Variants in RDX observed in about 807,000 individuals in gnomAD.
The protein encoded by RDX is deafness, autosomal recessive 24.
In RDX, 32 loss-of-function variants were observed where a neutral mutation model predicts 83.7. The observed-to-expected ratio is 0.38, with a 90% CI of 0.29 to 0.51. The LOEUF (loss-of-function observed/expected upper bound fraction) is 0.51. Ranked by LOEUF, RDX falls within the 20% of genes least tolerant of loss-of-function variation. RDX has a pLI of 0.87. For missense variants in RDX, 600 were observed against 689.9 expected (o/e 0.87, Z 1.46); for synonymous variants, 229 against 222.7 (o/e 1.03, Z -0.25).
At chr11:110,254,845 G>C (rs975920687) in intron 8 of RDX, among the ~76,000 whole-genome samples, 4 of 151,906 alleles carry the variant, frequency 2.6e-5, no homozygotes, top group Non-Finnish European at 4.4e-5. Flanking sequence ...TGACATTAGA[G>C]GAACTTTAAA....
At chr11:110,219,945 C>T (rs1864188229) in intron 14 of RDX, among the ~76,000 whole-genome samples, 1 of 152,144 alleles carries the variant, frequency 6.6e-6, no homozygotes, top group African/African-American at 2.4e-5. Flanking sequence ...GACAGAAGGA[C>T]TGAGACTTGG....
At chr11:110,273,104 C>T (rs1860369040) in intron 2 of RDX, 1 of 455,598 alleles carries the variant, frequency 2.2e-6, no homozygotes, top group Non-Finnish European at 4.4e-6. Context: ...CTGTTATTTC[C>T]AGGAAGCTGA....
intron 15 of RDX, among the ~76,000 whole-genome samples, chr11:110,184,262 C>T (rs578221737): frequency 2.0e-5 from 3 of 152,304 alleles, no homozygotes; most frequent in East Asian, 3.9e-4. Flanking sequence ...CAAGAGAACT[C>T]GCTATATGAC....
rs769654968 is a variant in RDX, at chr11:110,264,810, C to A, written c.161G>T (p.Gly54Val). ...FFGLQYVDSKGYSTWLKLNKK... is the reference protein window; with the variant it reads ...FFGLQYVDSKVYSTWLKLNKK... The stretch of plus-strand genomic sequence containing the variant: ...ATTTAGTTTAAGCCATGTAGAATAA[C>A]CTTTGCTGTCTACATACTGCAGCCC... Residue 54 changes from glycine (G) to valine (V), a missense_variant, in exon 4 of 14, where the codon GGT becomes GTT. By Grantham distance (109) the Gly-to-Val change is moderately radical. Coordinates refer to ENST00000645495, the MANE Select transcript of RDX (RefSeq NM_002906.4). 1 of 1,613,576 alleles carries A rather than the reference C, an allele frequency of 6.2e-7. No individual in the cohort carries two copies. Among genetic ancestry groups the A allele is most frequent in the Non-Finnish European group, 8.5e-7 (1 of 1,179,688 alleles).
intron 6 of RDX, 90 bp downstream of exon 6, chr11:110,258,016 A>G: frequency 6.7e-7 from 1 of 1,483,192 alleles, no homozygotes; most frequent in Non-Finnish European, 9.4e-7. Flanking sequence ...TAAGTCAAAC[A>G]ATCTTTTGGA....
At chr11:110,226,253 G>T (rs1358274774), downstream of RDX, among the ~76,000 whole-genome samples, 1 of 152,040 alleles carries the variant, frequency 6.6e-6, no homozygotes, top group Non-Finnish European at 1.5e-5. Context: ...ACAGATAAAT[G>T]GATAAAATAT....
intron 1 of RDX, among the ~76,000 whole-genome samples, chr11:110,289,000 G>C (rs1202132701): frequency 6.6e-6 from 1 of 152,050 alleles, no homozygotes; most frequent in Non-Finnish European, 1.5e-5. Flanking sequence ...CACTGTGGGA[G>C]GCCCAGGTGA....
intron 10 of RDX, among the ~76,000 whole-genome samples, chr11:110,243,961 G>GTTAA (rs1440512155): frequency 6.6e-6 from 1 of 152,056 alleles, no homozygotes; most frequent in Non-Finnish European, 1.5e-5. Context: ...TCCTCAAAAA[G>GTTAA]TTAAATACAG....
At chr11:110,204,088 G>A (rs1863513972) in intron 14 of RDX, among the ~76,000 whole-genome samples, 2 of 152,124 alleles carry the variant, frequency 1.3e-5, no homozygotes, top group Admixed American at 6.6e-5. Context: ...CATGGGACTG[G>A]AAATTGCAGC....
Position 110,231,105 on chromosome 11 carries a change from C to G in RDX, c.*764G>C, listed in dbSNP as rs539984720. The G allele has an allele frequency of 5.9e-5, 9 of 152,654 alleles. No individual in the cohort carries two copies. Among genetic ancestry groups the G allele is most frequent in the African/African-American group, 2.2e-4 (9 of 41,564 alleles). The allele number at this position is 152,654 out of a possible 1,614,324, so 9.5% of individuals were successfully genotyped here. On this transcript the variant is annotated 3_prime_UTR_variant, in exon 14 of 14. Coordinates refer to ENST00000645495, the MANE Select transcript of RDX (RefSeq NM_002906.4). ...AGTAAACTCTCCTAGGGAGCTACTA[C>G]TGCTGTCTAAACCTCTGTGAAATGG...
chr11:110,200,671 T>TA (rs1187840572), intron 14 of RDX, among the ~76,000 whole-genome samples: 1 of 152,212 alleles, frequency 6.6e-6, no homozygotes, highest in Non-Finnish European at 1.5e-5. Context: ...GTCTTTGCAG[T>TA]AAAATACAGT....
At chr11:110,252,395 GATAA>G (rs1859371648) in intron 9 of RDX, among the ~76,000 whole-genome samples, 1 of 152,084 alleles carries the variant, frequency 6.6e-6, no homozygotes, top group Non-Finnish European at 1.5e-5. Flanking sequence ...AGGATATATA[GATAA>G]ATATAGTAAG....
chr11:110,207,610 G>GT (rs149510020), intron 14 of RDX, among the ~76,000 whole-genome samples: 1 of 151,664 alleles, frequency 6.6e-6, no homozygotes, highest in African/African-American at 2.4e-5. Context: ...ATTTAAGAAT[G>GT]TTTTTTACCT....
intron 15 of RDX, among the ~76,000 whole-genome samples, chr11:110,178,259 G>C (rs1862816367): frequency 1.3e-5 from 2 of 152,200 alleles, no homozygotes; most frequent in African/African-American, 2.4e-5. Context: ...CTCTCTTCTA[G>C]TGCAGAACTC....
At position 110,201,741 on chromosome 11, in the gene RDX, G is replaced by T. The variant is rs573855202; in HGVS notation, c.1749-2063C>A. On this transcript the variant is annotated intron_variant, in intron 14 of 15. Transcript: ENST00000528498. ...TATAATAAGGGACGCAAACCTAGTT[G>T]AACTTATTTTTTAAGATGTTGTCTC... 3.9e-5 allele frequency among the ~76,000 whole-genome samples: 6 copies of T among 152,138 alleles called. No individual in the cohort carries two copies. The East Asian group carries it at 1.2e-3, about 29-fold the overall frequency.
intron 14 of RDX, among the ~76,000 whole-genome samples, chr11:110,211,262 T>A (rs1863826006): frequency 6.6e-6 from 1 of 152,122 alleles, no homozygotes; most frequent in African/African-American, 2.4e-5. Context: ...AGTAAAGGGA[T>A]CAATTCAGCA....
At chr11:110,226,603 A>C (rs1156622315), downstream of RDX, among the ~76,000 whole-genome samples, 2 of 152,196 alleles carry the variant, frequency 1.3e-5, no homozygotes, top group African/African-American at 4.8e-5. Flanking sequence ...TGAACTGTAC[A>C]CTTAAAAAAT....
At chr11:110,278,101 CAT>C (rs1484799502) in intron 2 of RDX, among the ~76,000 whole-genome samples, 3 of 152,176 alleles carry the variant, frequency 2.0e-5, no homozygotes, top group Non-Finnish European at 2.9e-5. Flanking sequence ...CTAATGAATA[CAT>C]ATGTGTATAT....
chr11:110,227,690 C>A (rs1864478332), downstream of RDX, among the ~76,000 whole-genome samples: 1 of 152,060 alleles, frequency 6.6e-6, no homozygotes, highest in Non-Finnish European at 1.5e-5. Context: ...TCACAATCAT[C>A]CTAATCTTGC....
Sources: allele counts gnomAD v4.1 joint callset (sites outside exome capture counted in the v4.1 genomes callset), GRCh38; gene constraint gnomAD v4.1.1; transcripts MANE v1.5; gene names NCBI Gene and HGNC (gene_info 2026-07-23, HGNC 2026-07-21).